The following SLC22A3 variants were observed in gnomAD, a reference collection of about 807,000 sequenced individuals.
SLC22A3 encodes the protein EMT organic cation transporter 3.
SLC22A3 carries 51 observed loss-of-function variants against 59.1 expected under a neutral mutation model. The ratio of observed to expected loss-of-function variants is 0.86; its 90% CI spans 0.69 to 1.09. The LOEUF (loss-of-function observed/expected upper bound fraction) is 1.09, where lower values mean the gene tolerates loss of function less well. Among genes scored for constraint, SLC22A3 ranks in the 50% least tolerant of loss-of-function variants. SLC22A3 has a pLI of 0.00. For synonymous variants in SLC22A3, 325 were observed against 292.0 expected (o/e 1.11, Z -1.15); for missense variants, 711 against 726.3 (o/e 0.98, Z 0.24).
At chr6:160,354,946 C>T (rs1050395338) in intron 1 of SLC22A3, among the ~76,000 whole-genome samples, 1 of 152,150 alleles carries the variant, frequency 6.6e-6, no homozygotes, top group Non-Finnish European at 1.5e-5. Context: ...GAATGTGGAA[C>T]TGCTAAGCCT....
intron 1 of SLC22A3, among the ~76,000 whole-genome samples, chr6:160,365,478 T>A (rs980984655): frequency 6.6e-6 from 1 of 152,122 alleles, no homozygotes; most frequent in African/African-American, 2.4e-5. Flanking sequence ...GGGTCTGGGG[T>A]AGGGCCTGAA....
chr6:160,441,607 C>CTT (rs3066987), intron 7 of SLC22A3, among the ~76,000 whole-genome samples: 23,909 of 136,540 alleles, frequency 0.18, 2,330 homozygotes, highest in Middle Eastern at 0.2. Flanking sequence ...TGAATTTTAG[C>CTT]TTTTTTTTTT....
At chr6:160,438,751 G>A (rs867208217) in intron 7 of SLC22A3, among the ~76,000 whole-genome samples, 26 of 152,012 alleles carry the variant, frequency 1.7e-4, no homozygotes, top group Admixed American at 1.6e-3. Context: ...CAAACTCACC[G>A]GCTTGAAACA....
At chr6:160,438,005 G>C (rs116767662) in intron 7 of SLC22A3, among the ~76,000 whole-genome samples, 2,529 of 152,316 alleles carry the variant, frequency 0.017, 65 homozygotes, top group Middle Eastern at 0.1. Flanking sequence ...GCTTGCGGAG[G>C]AGGAGGAGTG....
At chr6:160,400,877 CTG>C (rs1444119743) in intron 2 of SLC22A3, among the ~76,000 whole-genome samples, 1 of 150,322 alleles carries the variant, frequency 6.7e-6, no homozygotes, top group Non-Finnish European at 1.5e-5. Flanking sequence ...ATCAAAAACA[CTG>C]TAACAGAAAT....
intron 1 of SLC22A3, among the ~76,000 whole-genome samples, chr6:160,389,733 C>G (rs1431096616): frequency 6.6e-6 from 1 of 152,216 alleles, no homozygotes; most frequent in Non-Finnish European, 1.5e-5. Flanking sequence ...GCTTAGCACT[C>G]TTCTCTCTTA....
At chr6:160,434,244 T>C (rs892185234) in intron 5 of SLC22A3, among the ~76,000 whole-genome samples, 4 of 152,208 alleles carry the variant, frequency 2.6e-5, no homozygotes, top group African/African-American at 9.6e-5. Context: ...TAAAACAATG[T>C]TTTAATTAAA....
intron 1 of SLC22A3, among the ~76,000 whole-genome samples, chr6:160,381,789 G>A (rs1371195872): frequency 6.6e-6 from 1 of 152,134 alleles, no homozygotes; most frequent in Non-Finnish European, 1.5e-5. Context: ...ATGTGTTGGG[G>A]TTGGGATCAA....
At chr6:160,358,052 T>C (rs1784899567) in intron 1 of SLC22A3, among the ~76,000 whole-genome samples, 1 of 152,246 alleles carries the variant, frequency 6.6e-6, no homozygotes, top group African/African-American at 2.4e-5. Context: ...AATAAAATTG[T>C]CTATTTATCA....
intron 1 of SLC22A3, among the ~76,000 whole-genome samples, chr6:160,385,821 T>C (rs1785985871): frequency 1.3e-5 from 2 of 152,220 alleles, no homozygotes; most frequent in African/African-American, 4.8e-5. Flanking sequence ...TCCCCAAGTA[T>C]TGAGTCTGTG....
chr6:160,419,249 A>G (rs978452001), intron 5 of SLC22A3, among the ~76,000 whole-genome samples: 2 of 152,234 alleles, frequency 1.3e-5, no homozygotes, highest in Non-Finnish European at 2.9e-5. Context: ...GAGCAGTCAC[A>G]CAAACACCAA....
At chr6:160,407,295 C>T in intron 3 of SLC22A3, 100 bp downstream of exon 3, 6 of 1,250,048 alleles carry the variant, frequency 4.8e-6, no homozygotes, top group South Asian at 1.6e-5. Flanking sequence ...TGTCCTTTAA[C>T]AAAGGAGGTT....
intron 10 of SLC22A3, among the ~76,000 whole-genome samples, chr6:160,449,017 T>C (rs1562507111): frequency 6.6e-6 from 1 of 152,200 alleles, no homozygotes; most frequent in East Asian, 1.9e-4. Flanking sequence ...GGAACAGCTT[T>C]CTTCCCTTTG....
At chr6:160,386,343 T>G (rs1786013529) in intron 1 of SLC22A3, among the ~76,000 whole-genome samples, 1 of 152,234 alleles carries the variant, frequency 6.6e-6, no homozygotes, top group Non-Finnish European at 1.5e-5. Context: ...GAGGAAAGGT[T>G]GTGGCACTGC....
chr6:160,450,947 T>C, intron 10 of SLC22A3, 49 bp from the exon 11 acceptor site: 1 of 1,513,488 alleles, frequency 6.6e-7, no homozygotes, highest in Non-Finnish European at 9.0e-7. Context: ...CACCCTCTTC[T>C]AACTAGTTAC....
intron 5 of SLC22A3, among the ~76,000 whole-genome samples, chr6:160,413,231 G>T (rs1583490656): frequency 2.0e-5 from 3 of 152,126 alleles, no homozygotes; most frequent in Admixed American, 2.0e-4. Flanking sequence ...GTTTAGCACT[G>T]CTCCCACAGA....
chr6:160,396,693 A>G (rs1002763595), intron 1 of SLC22A3, among the ~76,000 whole-genome samples: 5 of 152,166 alleles, frequency 3.3e-5, no homozygotes, highest in African/African-American at 9.6e-5. Flanking sequence ...GGAGACATAC[A>G]TTTCCAACAA....
At chr6:160,400,084 A>ATTTTTTTTTTTTTTTTTT (rs760874011) in intron 2 of SLC22A3, among the ~76,000 whole-genome samples, 1 of 95,410 alleles carries the variant, frequency 1.0e-5, no homozygotes, top group African/African-American at 4.1e-5. Flanking sequence ...AGCTTTTGTG[A>ATTTTTTTTTTTTTTTTTT]TTTTTTTTTT....
intron 1 of SLC22A3, among the ~76,000 whole-genome samples, chr6:160,395,959 C>T (rs1786453004): frequency 6.6e-6 from 1 of 152,182 alleles, no homozygotes; most frequent in African/African-American, 2.4e-5. Flanking sequence ...GGTTAGACTG[C>T]AGCATGAAAC....
Sources: allele counts gnomAD v4.1 joint callset (sites outside exome capture counted in the v4.1 genomes callset), GRCh38; gene constraint gnomAD v4.1.1; transcripts MANE v1.5; gene names NCBI Gene and HGNC (gene_info 2026-07-23, HGNC 2026-07-21).